TCF4: variants seen among roughly 807,000 people sequenced by gnomAD.
TCF4 encodes the protein SL3-3 enhancer factor 2.
A neutral mutation model predicts 82.1 loss-of-function variants in TCF4; 3 were observed. The observed-to-expected ratio is 0.04, with a 90% CI of 0.02 to 0.09. The LOEUF is 0.09. TCF4 is among the 10% of genes least tolerant of loss of function. The pLI is 1.00. For missense variants in TCF4, 518 were observed against 852.7 expected (o/e 0.61, Z 4.89); for synonymous variants, 276 against 309.6 (o/e 0.89, Z 1.14).
At chr18:55,442,949 CT>C (rs1440066205) in intron 5 of TCF4, among the ~76,000 whole-genome samples, 1 of 152,176 alleles carries the variant, frequency 6.6e-6, no homozygotes, top group African/African-American at 2.4e-5. Context: ...GATGGACTAG[CT>C]TTTTAAATAT....
At chr18:55,586,170 GCAGCAGCAGC>G (rs2097647625) in intron 2 of TCF4, 20 of 418,352 alleles carry the variant, frequency 4.8e-5, no homozygotes, top group Admixed American at 3.6e-4. Flanking sequence ...AGCAGCAGCA[GCAGCAGCAGC>G]AGCAGCAGCA....
chr18:55,478,549 A>G (rs1274655021), intron 3 of TCF4, among the ~76,000 whole-genome samples: 1 of 152,190 alleles, frequency 6.6e-6, no homozygotes, highest in Admixed American at 6.5e-5. Flanking sequence ...GGCAAGTGGT[A>G]CACAAAAGAA....
intron 5 of TCF4, among the ~76,000 whole-genome samples, chr18:55,412,792 C>T (rs2094399933): frequency 1.3e-5 from 2 of 152,200 alleles, no homozygotes; most frequent in Non-Finnish European, 1.5e-5. Flanking sequence ...AGCCGCATTT[C>T]ACCACACAAA....
chr18:55,223,965 A>G lies in TCF4; in HGVS notation c.*4070T>C, dbSNP rs544731545. ...AATCTACAAAGAAGAAATATTCAGAATCTGACAATTTTTTTGTAATATTCA... is the reference window on the plus strand; with the variant it reads ...AATCTACAAAGAAGAAATATTCAGAGTCTGACAATTTTTTTGTAATATTCA... On this transcript the variant is annotated 3_prime_UTR_variant, in exon 20 of 20. Transcript: ENST00000354452. 6.6e-6 allele frequency: 1 copy of G among 151,852 alleles called. No homozygotes were observed. The highest frequency in any genetic ancestry group is 2.1e-4 in the South Asian group (1 of 4,820). The allele number at this position is 151,852 out of a possible 1,614,324, so 9.4% of individuals were successfully genotyped here.
intron 6 of TCF4, chr18:55,401,313 T>C: frequency 1.7e-6 from 2 of 1,173,628 alleles, no homozygotes; most frequent in South Asian, 3.4e-5. Flanking sequence ...TTATGGAGAT[T>C]GCTGCGACCA....
At chr18:55,490,052 T>C (rs957820313) in intron 3 of TCF4, among the ~76,000 whole-genome samples, 1 of 152,228 alleles carries the variant, frequency 6.6e-6, no homozygotes, top group Non-Finnish European at 1.5e-5. Flanking sequence ...TCAAACCTTT[T>C]TGTGGGTAAA....
chr18:55,388,412 G>A (rs959232524), intron 6 of TCF4, among the ~76,000 whole-genome samples: 9 of 152,200 alleles, frequency 5.9e-5, no homozygotes, highest in Non-Finnish European at 8.8e-5. Flanking sequence ...TGGGCGGTAC[G>A]CACCACGCTA....
At position 55,322,425 on chromosome 18, in the gene TCF4, GAAAAAAAAAAAAAAA is replaced by G. The variant is rs967879627; in HGVS notation, c.549+27919_549+27933del. 3.9e-6 allele frequency: 3 copies of G among 776,972 alleles called. No individual in the cohort carries two copies. In the African/African-American group the frequency reaches 1.0e-4, roughly 26 times the overall value. The allele number at this position is 776,972 out of a possible 1,614,324, so 48.1% of individuals were successfully genotyped here. A position where few individuals can be genotyped will look rare whatever the true frequency, so the allele number is the denominator to read the frequency against. On this transcript the variant is annotated intron_variant, in intron 8 of 19. Coordinates refer to ENST00000354452, the MANE Select transcript of TCF4 (RefSeq NM_001083962.2). ...GAAAGGGGAGGGAAAGGGGAGGGAA[GAAAAAAAAAAAAAAA>G]AAAAAAAAAACACCACGTCTCTGAC...
chr18:55,505,115 G>C (rs2096739677), intron 3 of TCF4, among the ~76,000 whole-genome samples: 2 of 152,108 alleles, frequency 1.3e-5, no homozygotes, highest in Admixed American at 1.3e-4. Context: ...AGGAGAATAA[G>C]CCTGACCTAT....
At chr18:55,246,232 C>CGTGTGT (rs34773632) in intron 15 of TCF4, among the ~76,000 whole-genome samples, 1,709 of 147,662 alleles carry the variant, frequency 0.012, 9 homozygotes, top group East Asian at 0.025. Context: ...TTTAAATACA[C>CGTGTGT]GTGTGTGTGT....
chr18:55,296,832 G>A (rs1433517014), intron 8 of TCF4, among the ~76,000 whole-genome samples: 1 of 152,096 alleles, frequency 6.6e-6, no homozygotes, highest in Admixed American at 6.5e-5. Flanking sequence ...TAAGTGTGGG[G>A]GAGTGCACCA....
At chr18:55,275,903 T>A in intron 9 of TCF4, 151 bp from the exon 10 acceptor site, 1 of 984,696 alleles carries the variant, frequency 1.0e-6, no homozygotes, top group Non-Finnish European at 1.6e-6. Context: ...TCATCATTTC[T>A]TCCCAAGTGG....
chr18:55,631,250 A>G (rs2097731336), intron 2 of TCF4: 1 of 829,426 alleles, frequency 1.2e-6, no homozygotes. Flanking sequence ...GGATTTCATC[A>G]TGTTGGCCAG....
At chr18:55,371,556 A>AT (rs886265866) in intron 6 of TCF4, among the ~76,000 whole-genome samples, 5 of 151,316 alleles carry the variant, frequency 3.3e-5, no homozygotes, top group South Asian at 2.1e-4. Context: ...TCATTCACTT[A>AT]TTTTTTTTTA....
chr18:55,334,542 A>G (rs1430386926), intron 8 of TCF4, among the ~76,000 whole-genome samples: 2 of 152,202 alleles, frequency 1.3e-5, no homozygotes, highest in Non-Finnish European at 2.9e-5. Context: ...AAAACAGCAT[A>G]ACCTCTTACC....
intron 8 of TCF4, among the ~76,000 whole-genome samples, chr18:55,296,887 A>G (rs2066641428): frequency 6.6e-6 from 1 of 152,112 alleles, no homozygotes; most frequent in Admixed American, 6.6e-5. Context: ...TTGCCGTTGA[A>G]CTAGAAGGCT....
At chr18:55,452,941 T>C (rs1318560543) in intron 5 of TCF4, among the ~76,000 whole-genome samples, 1 of 152,188 alleles carries the variant, frequency 6.6e-6, no homozygotes, top group Non-Finnish European at 1.5e-5. Context: ...TTATATATTT[T>C]TATTACATGA....
intron 6 of TCF4, among the ~76,000 whole-genome samples, chr18:55,388,975 A>AT (rs895068961): frequency 7.9e-5 from 12 of 151,888 alleles, no homozygotes; most frequent in African/African-American, 2.9e-4. Flanking sequence ...TACAAAAAAA[A>AT]ATTAGCCGGG....
chr18:55,559,150 CAAAA>C (rs748464132), intron 3 of TCF4, among the ~76,000 whole-genome samples: 8 of 56,150 alleles, frequency 1.4e-4, no homozygotes, highest in African/African-American at 6.6e-5. Context: ...TTCCCCAAAG[CAAAA>C]AAAAAAAAAA....
Sources: gnomAD v4.1 joint callset for allele counts (sites outside exome capture counted in the v4.1 genomes callset) on GRCh38, gnomAD v4.1.1 for gene constraint, MANE v1.5 for transcripts, NCBI Gene and HGNC (gene_info 2026-07-23, HGNC 2026-07-21) for gene names.